The following WNT11 variants were observed in gnomAD, a reference collection of about 807,000 sequenced individuals.
WNT11 encodes the protein protein Wnt-11.
In WNT11, 20 loss-of-function variants were observed where a neutral mutation model predicts 35.6. That is an observed-to-expected ratio of 0.56 (90% CI 0.40 to 0.82). The LOEUF (loss-of-function observed/expected upper bound fraction) is 0.82, where lower values mean the gene tolerates loss of function less well. Among genes scored for constraint, WNT11 ranks in the 40% least tolerant of loss-of-function variants. WNT11 has a pLI of 0.00. For synonymous variants in WNT11, 200 were observed against 211.9 expected (o/e 0.94, Z 0.49); for missense variants, 459 against 504.4 (o/e 0.91, Z 0.86).
chr11:76,203,543 C>A (rs1338175527), intron 1 of WNT11, among the ~76,000 whole-genome samples: 1 of 152,228 alleles, frequency 6.6e-6, no homozygotes, highest in Non-Finnish European at 1.5e-5. Context: ...GACCTGGGAC[C>A]CCGAATACTT....
At position 76,194,686 on chromosome 11, in the gene WNT11, T is replaced by G; in HGVS notation, c.478A>C (p.Asn160His). The G allele has an allele frequency of 6.4e-7, 1 of 1,550,618 alleles. No homozygotes were observed. Among genetic ancestry groups the G allele is most frequent in the Non-Finnish European group, 8.7e-7 (1 of 1,146,944 alleles). Residue 160 changes from asparagine (N) to histidine (H), a missense_variant, in exon 3 of 5, where the codon AAC (asparagine) becomes CAC (histidine). Transcript: ENST00000322563. This position sits in a 1 kb window ranked among gnomAD's most constrained non-coding sequence, Gnocchi z 5.4. ...CCCATGAGGAGCCCGTAGCTGAGGTTGTCCGCACATCCTCCCCAGCGGTTC... is the reference window on the plus strand; with the variant it reads ...CCCATGAGGAGCCCGTAGCTGAGGTGGTCCGCACATCCTCCCCAGCGGTTC... ...PGNRWGGCAD[N>H]LSYGLLMGAK... is the part of the protein sequence containing the mutation.
Position 76,186,681 on chromosome 11 carries a change from G to C in WNT11, c.*384C>G, listed in dbSNP as rs887545986. 4 of 359,134 alleles carry C rather than the reference G, an allele frequency of 1.1e-5. No individual in the cohort carries two copies. The highest frequency in any genetic ancestry group is 8.5e-5 in the African/African-American group (4 of 47,170). 22.2% of individuals were successfully genotyped at this position (359,134 alleles called of 1,614,324 possible). ...CAGGCTCAGACCCCAGGGTGGGCCA[G>C]GGGGTCCCGCAGAACATTCTGAAGA... On this transcript the variant is annotated 3_prime_UTR_variant, in exon 5 of 5. Coordinates refer to ENST00000322563, the MANE Select transcript of WNT11 (RefSeq NM_004626.3).
upstream of WNT11, chr11:76,210,727 C>A: frequency 1.1e-6 from 1 of 950,752 alleles, no homozygotes; most frequent in Non-Finnish European, 1.3e-6. Flanking sequence ...GCTCGCCGCT[C>A]GCCCGAGCTC....
upstream of WNT11, among the ~76,000 whole-genome samples, chr11:76,207,960 G>GATT (rs1953499030): frequency 6.6e-6 from 1 of 152,236 alleles, no homozygotes; most frequent in African/African-American, 2.4e-5. Flanking sequence ...GAGACAAAGG[G>GATT]ATTCCTTTCT....
intron 3 of WNT11, 77 bp from the exon 4 acceptor site, chr11:76,191,933 C>T: frequency 6.8e-7 from 1 of 1,477,032 alleles, no homozygotes; most frequent in African/African-American, 1.4e-5. Context: ...GCCCCACCCA[C>T]CCATGGCTGG....
chr11:76,209,208 G>C (rs1293855811), upstream of WNT11, among the ~76,000 whole-genome samples: 1 of 152,190 alleles, frequency 6.6e-6, no homozygotes, highest in Non-Finnish European at 1.5e-5. Context: ...TTTGGAGAGC[G>C]AGCGGTCACC....
Position 76,196,139 on chromosome 11 carries a change from G to T in WNT11, c.319+344C>A, listed in dbSNP as rs11236652. Reference sequence around the variant, plus strand: ...TTGTTTCTAGACTCCCCTCCCAGGAGCCTCCCTGACATGTGGCCTCACGTA... The same window carrying T: ...TTGTTTCTAGACTCCCCTCCCAGGATCCTCCCTGACATGTGGCCTCACGTA... On this transcript the variant is annotated intron_variant, in intron 2 of 4. Coordinates refer to ENST00000322563, the MANE Select transcript of WNT11 (RefSeq NM_004626.3). Among the ~76,000 whole-genome samples, 523 of 152,320 alleles carry T rather than the reference G, an allele frequency of 3.4e-3. 3 individuals carry two copies. The highest frequency in any genetic ancestry group is 0.012 in the African/African-American group (497 of 41,572).
chr11:76,187,310 GCCAGGC>G, intron 4 of WNT11, 71 bp from the exon 5 acceptor site: 1 of 1,434,540 alleles, frequency 7.0e-7, no homozygotes. Flanking sequence ...ATGACTCCCA[GCCAGGC>G]AGCCGGCAGC....
At chr11:76,202,472 C>G (rs1023011669) in intron 1 of WNT11, among the ~76,000 whole-genome samples, 1 of 152,176 alleles carries the variant, frequency 6.6e-6, no homozygotes, top group East Asian at 1.9e-4. Context: ...TGGGCCCCAC[C>G]TCATGCTGGT....
rs761292920 is a variant in WNT11, at chr11:76,206,282, C to T, written c.83+43G>A. 3.6e-6 allele frequency: 5 copies of T among 1,403,590 alleles called. No homozygotes were observed. In the East Asian group the frequency reaches 1.2e-4, roughly 33 times the overall value. The allele number at this position is 1,403,590 out of a possible 1,614,324, so 86.9% of individuals were successfully genotyped here. On this transcript the variant is annotated intron_variant, in intron 1 of 4. Transcript: ENST00000322563. Reference sequence around the variant, plus strand: ...GGACCCCAAAACGCCCTCCGCCGCCCCAGTCCCTGGCCTGTGCGCGTGGAC... The same window carrying T: ...GGACCCCAAAACGCCCTCCGCCGCCTCAGTCCCTGGCCTGTGCGCGTGGAC...
At position 76,194,868 on chromosome 11, in the gene WNT11, G is replaced by A; in HGVS notation, c.320-24C>T. On this transcript the variant is annotated intron_variant, in intron 2 of 4. Transcript: ENST00000322563. The surrounding 1 kb of genome is among the most constrained non-coding windows in gnomAD (Gnocchi z 5.4). Reference sequence around the variant, plus strand: ...CCCTGAGGGTGGGAGGGGAAGGTCAGCCGACGCTGATCCAGGGCTAGGACC... The same window carrying A: ...CCCTGAGGGTGGGAGGGGAAGGTCAACCGACGCTGATCCAGGGCTAGGACC... 1 of 1,476,264 alleles carries A rather than the reference G, an allele frequency of 6.8e-7. No homozygotes were observed. Among genetic ancestry groups the A allele is most frequent in the South Asian group, 1.4e-5 (1 of 72,838 alleles). The allele number at this position is 1,476,264 out of a possible 1,614,324, so 91.4% of individuals were successfully genotyped here. A position where few individuals can be genotyped will look rare whatever the true frequency, so the allele number is the denominator to read the frequency against.
chr11:76,199,410 T>C (rs532460083), intron 1 of WNT11, among the ~76,000 whole-genome samples: 83 of 151,930 alleles, frequency 5.5e-4, no homozygotes, highest in Middle Eastern at 3.4e-3. Context: ...GGTTTGAGGT[T>C]ACAGTGAACT....
intron 3 of WNT11, among the ~76,000 whole-genome samples, chr11:76,193,116 G>A (rs1311765252): frequency 6.6e-6 from 1 of 152,258 alleles, no homozygotes; most frequent in Non-Finnish European, 1.5e-5. Context: ...AGGACTGCAG[G>A]GCACCGAGGC....
chr11:76,187,879 G>C (rs1036019991), intron 4 of WNT11, among the ~76,000 whole-genome samples: 1 of 151,264 alleles, frequency 6.6e-6, no homozygotes, highest in African/African-American at 2.4e-5. Context: ...ATCTTTATGT[G>C]TAACCTTTTA....
intron 1 of WNT11, among the ~76,000 whole-genome samples, chr11:76,202,444 T>A (rs1053048597): frequency 6.6e-6 from 1 of 152,106 alleles, no homozygotes; most frequent in Non-Finnish European, 1.5e-5. Flanking sequence ...CCTTTCCCCG[T>A]GTCTCTTTGG....
chr11:76,197,991 G>A (rs1021960232), intron 1 of WNT11, among the ~76,000 whole-genome samples: 2 of 152,214 alleles, frequency 1.3e-5, no homozygotes, highest in Admixed American at 1.3e-4. Context: ...CCAAGAGGGG[G>A]CCATTCTGCA....
At chr11:76,202,664 C>T (rs1480278620) in intron 1 of WNT11, among the ~76,000 whole-genome samples, 1 of 152,182 alleles carries the variant, frequency 6.6e-6, no homozygotes, top group African/African-American at 2.4e-5. Flanking sequence ...GGTCTAGGAA[C>T]CTCGGAAGTG....
chr11:76,205,200 G>A (rs1729432120), intron 1 of WNT11, among the ~76,000 whole-genome samples: 1 of 152,230 alleles, frequency 6.6e-6, no homozygotes, highest in Non-Finnish European at 1.5e-5. Context: ...GGCAGGGCCA[G>A]TGACCTCCAG....
intron 1 of WNT11, among the ~76,000 whole-genome samples, chr11:76,202,037 G>C (rs1953388118): frequency 6.6e-6 from 1 of 152,154 alleles, no homozygotes; most frequent in Non-Finnish European, 1.5e-5. Flanking sequence ...TCCTTTAAGT[G>C]ACCTGGGCCC....
Sources: allele counts gnomAD v4.1 joint callset (sites outside exome capture counted in the v4.1 genomes callset), GRCh38; gene constraint gnomAD v4.1.1; non-coding constraint Gnocchi (gnomAD v3.1); transcripts MANE v1.5; gene names NCBI Gene and HGNC (gene_info 2026-07-23, HGNC 2026-07-21).